USH2A: variants seen among roughly 807,000 people sequenced by gnomAD.
The protein encoded by USH2A is Usher syndrome 2A (autosomal recessive, mild).
A neutral mutation model predicts 538.9 loss-of-function variants in USH2A; 443 were observed. That is an observed-to-expected ratio of 0.82 (90% CI 0.76 to 0.89). The LOEUF (loss-of-function observed/expected upper bound fraction) is 0.89. Ranked by LOEUF, USH2A falls within the 40% of genes least tolerant of loss-of-function variation. The pLI, the probability that USH2A is intolerant of heterozygous loss-of-function variation, is 0.00. For missense variants in USH2A, 6,633 were observed against 6,324.8 expected (o/e 1.05, Z -1.65); for synonymous variants, 2,413 against 2,273.5 (o/e 1.06, Z -1.75).
intron 41 of USH2A, among the ~76,000 whole-genome samples, chr1:215,882,858 C>A (rs2102455235): frequency 6.6e-6 from 1 of 152,120 alleles, no homozygotes; most frequent in South Asian, 2.1e-4. Flanking sequence ...TTATTTTATG[C>A]TAAAAATAAA....
rs568200858 is a variant in USH2A at position 215,889,901 on chromosome 1, C to T, written c.7595-847G>A. Among the ~76,000 whole-genome samples, 187 of 152,212 alleles carry T rather than the reference C, an allele frequency of 1.2e-3. 1 individual carries two copies. Among genetic ancestry groups the T allele is most frequent in the African/African-American group, 3.9e-3 (162 of 41,530 alleles). ...CCTTGAATGCAAACCCCTCAGCCTG[C>T]GGGGGCAAAGTGTTATTTAAGCTTT... On this transcript the variant is annotated intron_variant, in intron 40 of 71. Transcript: ENST00000307340.
At chr1:216,113,085 G>T (rs12562620) in intron 21 of USH2A, among the ~76,000 whole-genome samples, 1 of 146,978 alleles carries the variant, frequency 6.8e-6, no homozygotes. Flanking sequence ...ATCTGTAGCT[G>T]TCTAAATGTG....
chr1:215,625,991 A>G, intron 71 of USH2A, 121 bp from the exon 72 acceptor site: 5 of 966,234 alleles, frequency 5.2e-6, no homozygotes, highest in Non-Finnish European at 8.0e-6. Flanking sequence ...TTTATTCTCA[A>G]CACCATGGTG....
rs1661659605 is a variant in USH2A at position 215,782,082 on chromosome 1, AG to A, written c.10699del (p.Leu3567Ter). 2.5e-6 allele frequency: 4 copies of A among 1,614,030 alleles called. No individual in the cohort carries two copies. Among genetic ancestry groups the A allele is most frequent in the Non-Finnish European group, 3.4e-6 (4 of 1,179,888 alleles). ...ACAGCCAGCAACCGTGCAAGCTTTC[AG>A]CTGATATGAATATTCCTGAAATGGT... Reference protein sequence around the residue: ...IQPFQEYSYQLKACTVAGCAT... With the variant: ...IQPFQEYSYQXKACTVAGCAT... On this transcript the variant is annotated frameshift_variant, in exon 54 of 72. Coordinates refer to ENST00000307340, the MANE Select transcript of USH2A (RefSeq NM_206933.4). LOFTEE classifies it high-confidence loss of function.
At chr1:215,840,912 T>C (rs1014376299) in intron 46 of USH2A, among the ~76,000 whole-genome samples, 6 of 152,178 alleles carry the variant, frequency 3.9e-5, no homozygotes, top group Admixed American at 3.9e-4. Context: ...GCCTATGGTC[T>C]ACCTGCATAC....
At position 216,251,058 on chromosome 1, in the gene USH2A, C is replaced by T. The variant is rs758103670; in HGVS notation, c.2012G>A (p.Arg671Lys). 36 of 1,613,930 alleles carry T rather than the reference C, an allele frequency of 2.2e-5. No homozygotes were observed. Among genetic ancestry groups the T allele is most frequent in the Non-Finnish European group, 2.9e-5 (34 of 1,179,998 alleles). ...QCNCKRHVSG[R>K]QCNQCQNGFY... ...TCCATTCTGGCACTGATTGCACTGC[C>T]TGCCAGACACGTGTCTCTTACAATT... Residue 671 changes from arginine (R) to lysine (K), a missense_variant, in exon 12 of 72, where the codon AGG becomes AAG. Coordinates refer to ENST00000307340, the MANE Select transcript of USH2A (RefSeq NM_206933.4).
chr1:216,332,661 T>C (rs921008342), intron 4 of USH2A, among the ~76,000 whole-genome samples: 1 of 152,108 alleles, frequency 6.6e-6, no homozygotes, highest in Non-Finnish European at 1.5e-5. Flanking sequence ...CACCAGAGAC[T>C]GGAAAATGTA....
chr1:216,401,670 G>T (rs532972235), intron 3 of USH2A, among the ~76,000 whole-genome samples: 53 of 151,960 alleles, frequency 3.5e-4, no homozygotes, highest in Non-Finnish European at 7.2e-4. Context: ...AAATAGCATA[G>T]ATTTCAGAAC....
chr1:215,999,166 A>G lies in USH2A; in HGVS notation c.6486-108T>C, dbSNP rs1360770778. 5 of 961,186 alleles carry G rather than the reference A, an allele frequency of 5.2e-6. No homozygotes were observed. In the African/African-American group the frequency reaches 8.2e-5, roughly 16 times the overall value. 59.5% of individuals were successfully genotyped at this position (961,186 alleles called of 1,614,324 possible). Reference sequence around the variant, plus strand: ...TGGATTTGTGACACTTTTTTAAAAAACATAAATCTCAAAATTGATTCATTT... The same window carrying G: ...TGGATTTGTGACACTTTTTTAAAAAGCATAAATCTCAAAATTGATTCATTT... On this transcript the variant is annotated intron_variant, in intron 33 of 71. Transcript: ENST00000307340.
chr1:215,936,618 GT>G (rs1199632018), intron 37 of USH2A, among the ~76,000 whole-genome samples: 5 of 152,006 alleles, frequency 3.3e-5, no homozygotes, highest in South Asian at 2.1e-4. Flanking sequence ...TGATGTTATT[GT>G]TTTTGTTGTA....
At chr1:215,747,842 T>A (rs1321214926) in intron 58 of USH2A, among the ~76,000 whole-genome samples, 1 of 152,124 alleles carries the variant, frequency 6.6e-6, no homozygotes, top group Non-Finnish European at 1.5e-5. Flanking sequence ...AAAAGGCTGT[T>A]GTTTGAAGCC....
At chr1:216,329,014 C>A (rs2037793440) in intron 4 of USH2A, among the ~76,000 whole-genome samples, 1 of 152,026 alleles carries the variant, frequency 6.6e-6, no homozygotes, top group Admixed American at 6.6e-5. Context: ...TTCCACATAC[C>A]CCATGAGCTG....
At chr1:216,357,689 G>C (rs923725769) in intron 4 of USH2A, among the ~76,000 whole-genome samples, 4 of 152,144 alleles carry the variant, frequency 2.6e-5, no homozygotes, top group Non-Finnish European at 5.9e-5. Context: ...GTATAATGTA[G>C]AAATTCTCAC....
chr1:216,084,609 G>C (rs1478766617), intron 25 of USH2A, 89 bp downstream of exon 25: 8 of 1,433,522 alleles, frequency 5.6e-6, no homozygotes, highest in Non-Finnish European at 7.7e-6. Context: ...TTCATATGAG[G>C]TCAAGTTAAT....
chr1:215,921,508 C>T lies in USH2A; in HGVS notation c.7300+13108G>A, dbSNP rs545347316. Reference sequence around the variant, plus strand: ...AACCTACTAGTTCAACCAACAATACCCTTAAAATTATATTTGACCCTACTA... The same window carrying T: ...AACCTACTAGTTCAACCAACAATACTCTTAAAATTATATTTGACCCTACTA... On this transcript the variant is annotated intron_variant, in intron 38 of 71. Coordinates refer to ENST00000307340, the MANE Select transcript of USH2A (RefSeq NM_206933.4). 4.6e-5 allele frequency among the ~76,000 whole-genome samples: 7 copies of T among 152,078 alleles called. No homozygotes were observed. In the South Asian group the frequency reaches 1.5e-3, roughly 32 times the overall value.
At chr1:215,658,178 G>T (rs551491338) in intron 64 of USH2A, among the ~76,000 whole-genome samples, 1 of 151,538 alleles carries the variant, frequency 6.6e-6, no homozygotes, top group South Asian at 2.1e-4. Flanking sequence ...CTCGTGATCC[G>T]CCCGCCTTGG....
chr1:216,161,219 TG>T (rs1024307736), intron 21 of USH2A, among the ~76,000 whole-genome samples: 1 of 152,136 alleles, frequency 6.6e-6, no homozygotes, highest in African/African-American at 2.4e-5. Flanking sequence ...TTCACCACAG[TG>T]GTATTTGTCC....
At chr1:216,281,532 A>C (rs1403465896) in intron 11 of USH2A, among the ~76,000 whole-genome samples, 1 of 152,184 alleles carries the variant, frequency 6.6e-6, no homozygotes, top group African/African-American at 2.4e-5. Context: ...AGACTTGAGC[A>C]CATTTTGTAG....
chr1:216,150,240 T>C (rs1033410150), intron 21 of USH2A, among the ~76,000 whole-genome samples: 4 of 152,144 alleles, frequency 2.6e-5, no homozygotes, highest in African/African-American at 7.2e-5. Flanking sequence ...ACAGCTGATA[T>C]CTCTTGGTGC....
Sources: allele counts gnomAD v4.1 joint callset (sites outside exome capture counted in the v4.1 genomes callset), GRCh38; gene constraint gnomAD v4.1.1; transcripts MANE v1.5; gene names NCBI Gene and HGNC (gene_info 2026-07-23, HGNC 2026-07-21).